Variants in CSMD3 observed in about 807,000 individuals in gnomAD.
CSMD3 encodes CUB and sushi domain-containing protein 3.
CSMD3 carries 177 observed loss-of-function variants against 435.2 expected under a neutral mutation model. That is an observed-to-expected ratio of 0.41 (90% confidence interval 0.36 to 0.46). The LOEUF is 0.46. Ranked by LOEUF, CSMD3 falls within the 20% of genes least tolerant of loss-of-function variation. CSMD3 has a pLI of 0.34. For missense variants in CSMD3, 4,265 were observed against 4,504.6 expected (o/e 0.95, Z 1.52); for synonymous variants, 1,656 against 1,520.5 (o/e 1.09, Z -2.07).
intron 13 of CSMD3, among the ~76,000 whole-genome samples, chr8:112,767,351 C>A (rs894903032): frequency 6.6e-6 from 1 of 151,738 alleles, no homozygotes; most frequent in Non-Finnish European, 1.5e-5. Flanking sequence ...TCAAGTTTAA[C>A]AGAACCAAGA....
At chr8:113,298,949 A>T (rs2093742398) in intron 2 of CSMD3, among the ~76,000 whole-genome samples, 2 of 152,160 alleles carry the variant, frequency 1.3e-5, no homozygotes. Flanking sequence ...AGTAAAAAAT[A>T]TTTCACTGAA....
At chr8:113,052,711 A>C (rs559891852) in intron 5 of CSMD3, among the ~76,000 whole-genome samples, 36 of 152,240 alleles carry the variant, frequency 2.4e-4, no homozygotes, top group African/African-American at 8.2e-4. Flanking sequence ...GACCCAGTTC[A>C]AGGTTAAAGT....
chr8:112,572,682 T>C (rs1829628974), intron 24 of CSMD3, among the ~76,000 whole-genome samples: 1 of 152,140 alleles, frequency 6.6e-6, no homozygotes, highest in African/African-American at 2.4e-5. Context: ...TAATGAGTGC[T>C]CTGACCTTCC....
At chr8:112,716,937 A>T (rs1240978556) in intron 13 of CSMD3, among the ~76,000 whole-genome samples, 2 of 152,160 alleles carry the variant, frequency 1.3e-5, no homozygotes, top group African/African-American at 2.4e-5. Context: ...AAGATGGATT[A>T]AAGACTTAAA....
intron 24 of CSMD3, among the ~76,000 whole-genome samples, chr8:112,568,950 A>G (rs1207709194): frequency 6.6e-6 from 1 of 152,118 alleles, no homozygotes; most frequent in Non-Finnish European, 1.5e-5. Flanking sequence ...CCCAGCTATA[A>G]TCTAACGATA....
At chr8:112,438,847 A>T (rs951635084) in intron 32 of CSMD3, among the ~76,000 whole-genome samples, 1 of 152,174 alleles carries the variant, frequency 6.6e-6, no homozygotes, top group African/African-American at 2.4e-5. Flanking sequence ...ATAATTGTGT[A>T]ATAAGCTTTT....
rs918746623 is a variant in CSMD3, at chr8:113,032,009, C to T, written c.918-12830G>A. Reference sequence around the variant, plus strand: ...TGTAAGAAAGCGTTTTCTTCTCTTTCGCCTTCTGCCATGATAGTAAGTCTC... The same window carrying T: ...TGTAAGAAAGCGTTTTCTTCTCTTTTGCCTTCTGCCATGATAGTAAGTCTC... On this transcript the variant is annotated intron_variant, in intron 5 of 70. Coordinates refer to ENST00000297405, the MANE Select transcript of CSMD3 (RefSeq NM_198123.2). 2.6e-5 allele frequency among the ~76,000 whole-genome samples: 4 copies of T among 151,610 alleles called. 1 individual carries two copies. Among genetic ancestry groups the T allele is most frequent in the East Asian group, 1.9e-4 (1 of 5,196 alleles).
chr8:112,680,654 G>C (rs1159159293), intron 16 of CSMD3, among the ~76,000 whole-genome samples: 4 of 151,972 alleles, frequency 2.6e-5, no homozygotes, highest in Non-Finnish European at 4.4e-5. Context: ...ATCTAGTTCT[G>C]CCCACCTGAT....
chr8:112,335,407 A>G lies in CSMD3; in HGVS notation c.7087T>C (p.Tyr2363His), dbSNP rs1824462393. Residue 2363 changes from tyrosine to histidine, a missense_variant, in exon 45 of 71, where the codon TAC (tyrosine) becomes CAC (histidine). By Grantham distance (83) the Tyr-to-His change is moderately conservative (BLOSUM62 2). Around this residue, in one of 3 missense-constraint regions of CSMD3, gnomAD observed 3,255 missense variants for 3,380.2 expected, o/e 0.96. Coordinates refer to ENST00000297405, the MANE Select transcript of CSMD3 (RefSeq NM_198123.2). ...FSGNTALESV[Y>H]STSNQILIKF... ...ATTAGAATCTGATTTGAAGTACTGTAGACTGATTCCAAAGCGGTATTGCCA... is the reference window on the plus strand; with the variant it reads ...ATTAGAATCTGATTTGAAGTACTGTGGACTGATTCCAAAGCGGTATTGCCA... 1 of 1,613,976 alleles carries G rather than the reference A, an allele frequency of 6.2e-7. No individual in the cohort carries two copies. The highest frequency in any genetic ancestry group is 8.5e-7 in the Non-Finnish European group (1 of 1,179,884).
intron 3 of CSMD3, among the ~76,000 whole-genome samples, chr8:113,204,344 T>C (rs1406366812): frequency 6.6e-6 from 1 of 152,154 alleles, no homozygotes; most frequent in East Asian, 1.9e-4. Context: ...TTTTTGGCTC[T>C]TACCCCAGGT....
intron 1 of CSMD3, among the ~76,000 whole-genome samples, chr8:113,327,437 G>GT (rs544773417): frequency 1.1e-4 from 17 of 152,132 alleles, no homozygotes; most frequent in East Asian, 5.8e-4. Context: ...TATAAGGGGT[G>GT]TTTTTTTCAA....
At chr8:112,764,699 T>A (rs2077931564) in intron 13 of CSMD3, among the ~76,000 whole-genome samples, 1 of 151,686 alleles carries the variant, frequency 6.6e-6, no homozygotes, top group East Asian at 1.9e-4. Flanking sequence ...AGTAAATACA[T>A]ACTCATTTTT....
At chr8:112,494,499 CTTTCTTTCTT>C (rs1317455437) in intron 30 of CSMD3, among the ~76,000 whole-genome samples, 8 of 17,110 alleles carry the variant, frequency 4.7e-4, no homozygotes, top group African/African-American at 1.2e-3. Context: ...TCTCTCCTTT[CTTTCTTTCTT>C]TCTTTCTTTC....
At chr8:113,259,004 C>T (rs2093405610) in intron 3 of CSMD3, among the ~76,000 whole-genome samples, 1 of 152,078 alleles carries the variant, frequency 6.6e-6, no homozygotes, top group Non-Finnish European at 1.5e-5. Context: ...ACACATGATG[C>T]TGCCATTTAT....
At chr8:113,330,802 G>A (rs2094021921) in intron 1 of CSMD3, among the ~76,000 whole-genome samples, 1 of 151,658 alleles carries the variant, frequency 6.6e-6, no homozygotes, top group Non-Finnish European at 1.5e-5. Flanking sequence ...AGAATTGAAG[G>A]GATAAGTATA....
At chr8:112,810,594 A>T (rs1470875442) in intron 12 of CSMD3, among the ~76,000 whole-genome samples, 1 of 152,062 alleles carries the variant, frequency 6.6e-6, no homozygotes, top group Non-Finnish European at 1.5e-5. Context: ...GAATTGTAAC[A>T]ATTAAAGTCA....
At chr8:112,851,618 G>T (rs747273342) in intron 11 of CSMD3, among the ~76,000 whole-genome samples, 16 of 152,052 alleles carry the variant, frequency 1.1e-4, no homozygotes, top group Non-Finnish European at 1.6e-4. Context: ...GCAAAAATTA[G>T]CCAGGTGTGG....
At chr8:112,985,603 C>T (rs776237610) in intron 6 of CSMD3, among the ~76,000 whole-genome samples, 10 of 152,066 alleles carry the variant, frequency 6.6e-5, no homozygotes, top group Non-Finnish European at 1.5e-4. Context: ...GCCACACAGC[C>T]GAAGATGAGT....
intron 32 of CSMD3, among the ~76,000 whole-genome samples, chr8:112,429,067 T>C (rs1465991562): frequency 1.3e-5 from 2 of 152,100 alleles, no homozygotes; most frequent in Non-Finnish European, 2.9e-5. Context: ...ACAACCACTC[T>C]CAGAATTTTT....
Sources: allele counts gnomAD v4.1 joint callset (sites outside exome capture counted in the v4.1 genomes callset), GRCh38; gene constraint gnomAD v4.1.1; regional missense constraint gnomAD v4.1.1; transcripts MANE v1.5; gene names NCBI Gene and HGNC (gene_info 2026-07-23, HGNC 2026-07-21).